Variants in SPAG17 observed in about 807,000 individuals in gnomAD.
SPAG17 encodes sperm-associated antigen 17.
Under a neutral mutation model 273.6 loss-of-function variants are expected in SPAG17, and 169 were observed. The observed-to-expected ratio is 0.62, with a 90% CI of 0.55 to 0.70. The LOEUF (loss-of-function observed/expected upper bound fraction) is 0.70. SPAG17 is among the 30% of genes least tolerant of loss of function. SPAG17 has a pLI of 0.00. For missense variants in SPAG17, 2,557 were observed against 2,627.8 expected (o/e 0.97, Z 0.59); for synonymous variants, 825 against 873.2 (o/e 0.94, Z 0.97).
At chr1:118,091,831 G>T in intron 9 of SPAG17, 99 bp downstream of exon 9, 8 of 1,362,144 alleles carry the variant, frequency 5.9e-6, no homozygotes, top group Non-Finnish European at 8.4e-6. Context: ...TGCAGGAGCT[G>T]TAGGTGAAGG....
At chr1:118,119,362 T>C (rs898162816) in intron 3 of SPAG17, among the ~76,000 whole-genome samples, 2 of 152,082 alleles carry the variant, frequency 1.3e-5, no homozygotes, top group Non-Finnish European at 2.9e-5. Flanking sequence ...GAACAGGTTA[T>C]GGGAGTGAGG....
chr1:118,170,585 T>C lies in SPAG17; in HGVS notation c.87+14486A>G, dbSNP rs887149652. ...TTAGATGCCATGTTTTATGGAAATA[T>C]TTATGAAATGAAATAAACATCATTT... On this transcript the variant is annotated intron_variant, in intron 1 of 48. Coordinates refer to ENST00000336338, the MANE Select transcript of SPAG17 (RefSeq NM_206996.4). Among the ~76,000 whole-genome samples the C allele has an allele frequency of 2.0e-5, 3 of 152,160 alleles. No individual in the cohort carries two copies. In the South Asian group the frequency reaches 6.2e-4, roughly 32 times the overall value.
At chr1:118,106,355 A>G (rs1227070712) in intron 4 of SPAG17, among the ~76,000 whole-genome samples, 1 of 152,164 alleles carries the variant, frequency 6.6e-6, no homozygotes, top group Non-Finnish European at 1.5e-5. Context: ...GAGAAAACTG[A>G]GTCTTAGTGA....
intron 31 of SPAG17, among the ~76,000 whole-genome samples, chr1:118,006,831 T>C (rs1658947676): frequency 6.6e-6 from 1 of 152,244 alleles, no homozygotes. Context: ...GATATCTCAT[T>C]GCAGTTTGCG....
At chr1:118,131,521 A>C (rs1446286505) in intron 3 of SPAG17, among the ~76,000 whole-genome samples, 1 of 152,182 alleles carries the variant, frequency 6.6e-6, no homozygotes, top group Non-Finnish European at 1.5e-5. Context: ...CCTCTCCCCA[A>C]TTAAAAAGTA....
intron 9 of SPAG17, 51 bp from the exon 10 acceptor site, chr1:118,091,769 T>C: frequency 7.1e-7 from 1 of 1,400,908 alleles, no homozygotes; most frequent in South Asian, 1.2e-5. Flanking sequence ...TTCTCCATTA[T>C]TTCCATCAAA....
In SPAG17 at chr1:118,185,188, A is replaced by G; in HGVS notation, c.-31T>C. 1.3e-6 allele frequency: 2 copies of G among 1,576,546 alleles called. No homozygotes were observed. Among genetic ancestry groups the G allele is most frequent in the Non-Finnish European group, 1.7e-6 (2 of 1,145,802 alleles). ...GGACGGGAGAAGCATTGGCCTCTAA[A>G]CTGGGCGCAGGCCCTGCCTAAGCGT... is the stretch of plus-strand genomic sequence containing the variant. On this transcript the variant is annotated 5_prime_UTR_variant, in exon 1 of 49. Transcript: ENST00000336338.
At chr1:118,031,626 T>C in intron 25 of SPAG17, 66 bp downstream of exon 25, 1 of 1,504,326 alleles carries the variant, frequency 6.6e-7, no homozygotes, top group Non-Finnish European at 9.1e-7. Context: ...ACATAAGTCA[T>C]GGTTTTAAAA....
At chr1:118,116,907 G>A (rs1657115112) in intron 3 of SPAG17, among the ~76,000 whole-genome samples, 1 of 152,158 alleles carries the variant, frequency 6.6e-6, no homozygotes, top group Non-Finnish European at 1.5e-5. Context: ...GAGACATGAT[G>A]GCTGTGATTT....
chr1:118,022,150 A>G (rs769252890), intron 28 of SPAG17, among the ~76,000 whole-genome samples: 1 of 152,106 alleles, frequency 6.6e-6, no homozygotes, highest in Non-Finnish European at 1.5e-5. Flanking sequence ...GGGGTTAGGG[A>G]CCCAGACTCA....
intron 30 of SPAG17, among the ~76,000 whole-genome samples, chr1:118,009,248 A>AACACACAC (rs55873088): frequency 6.0e-4 from 86 of 142,694 alleles, no homozygotes; most frequent in African/African-American, 1.8e-3. Flanking sequence ...AGGTGCTCAT[A>AACACACAC]ACACACACAC....
intron 20 of SPAG17, among the ~76,000 whole-genome samples, chr1:118,051,380 C>A (rs1188384830): frequency 6.6e-6 from 1 of 151,942 alleles, no homozygotes; most frequent in Non-Finnish European, 1.5e-5. Flanking sequence ...TCCAGCAATC[C>A]CACTACTGGG....
chr1:118,055,781 C>T lies in SPAG17; in HGVS notation c.2674G>A (p.Ala892Thr), dbSNP rs1651602871. ...ATTTTGCTAGCAGAAGTAAGTTTGG[C>T]ATTAGCAGAAGATTTCAATTCCAGC... is the stretch of plus-strand genomic sequence containing the variant. ...AELELKSSAN[A>T]KLTSASKIFS... Residue 892 changes from alanine to threonine, a missense_variant, in exon 19 of 49, where the codon GCC becomes ACC. Ala to Thr is a moderately conservative substitution (Grantham distance 58). Coordinates refer to ENST00000336338, the MANE Select transcript of SPAG17 (RefSeq NM_206996.4). 2 of 1,612,734 alleles carry T rather than the reference C, an allele frequency of 1.2e-6. No individual in the cohort carries two copies.
intron 40 of SPAG17, among the ~76,000 whole-genome samples, chr1:117,986,603 A>C (rs552887622): frequency 6.6e-6 from 1 of 152,342 alleles, no homozygotes; most frequent in African/African-American, 2.4e-5. Context: ...ATATGTACAC[A>C]GTTTAAAGAA....
chr1:118,015,637 C>T (rs375925120), intron 29 of SPAG17, among the ~76,000 whole-genome samples: 14 of 152,216 alleles, frequency 9.2e-5, no homozygotes, highest in East Asian at 3.9e-4. Context: ...AAGCACACGA[C>T]GACATCATTA....
chr1:118,063,615 C>T (rs984525311), intron 18 of SPAG17, among the ~76,000 whole-genome samples: 2 of 152,102 alleles, frequency 1.3e-5, no homozygotes, highest in Non-Finnish European at 1.5e-5. Flanking sequence ...AATGTTAGAC[C>T]TAAAACCATA....
chr1:118,145,585 A>C (rs1042823677), intron 3 of SPAG17, among the ~76,000 whole-genome samples: 3 of 152,144 alleles, frequency 2.0e-5, no homozygotes, highest in Non-Finnish European at 4.4e-5. Context: ...ATATCAGAAA[A>C]ATCTTTCCAC....
chr1:118,123,386 A>C (rs1402907153), intron 3 of SPAG17, among the ~76,000 whole-genome samples: 1 of 152,240 alleles, frequency 6.6e-6, no homozygotes, highest in East Asian at 1.9e-4. Flanking sequence ...ACAGAAAAAA[A>C]GAGAAGAAAA....
intron 24 of SPAG17, among the ~76,000 whole-genome samples, chr1:118,032,420 C>A (rs997034548): frequency 1.3e-5 from 2 of 151,928 alleles, no homozygotes; most frequent in Non-Finnish European, 2.9e-5. Flanking sequence ...AAGGAGAGCT[C>A]ATGCTAGGAG....
Sources: gnomAD v4.1 joint callset for allele counts (sites outside exome capture counted in the v4.1 genomes callset) on GRCh38, gnomAD v4.1.1 for gene constraint, MANE v1.5 for transcripts, NCBI Gene and HGNC (gene_info 2026-07-23, HGNC 2026-07-21) for gene names.